HCN1: variants seen among roughly 807,000 people sequenced by gnomAD.
The protein encoded by HCN1 is potassium/sodium hyperpolarization-activated cyclic nucleotide-gated channel 1.
In HCN1, 13 loss-of-function variants were observed where a neutral mutation model predicts 78.9. That is an observed-to-expected ratio of 0.16 (90% confidence interval 0.11 to 0.26). HCN1 has a LOEUF of 0.26. HCN1 is among the 10% of genes least tolerant of loss of function. The probability of loss-of-function intolerance (pLI) is 1.00; values close to 1 mark genes in which losing one functional copy is unlikely to be tolerated. For synonymous variants in HCN1, 552 were observed against 455.5 expected (o/e 1.21, Z -2.70); for missense variants, 810 against 1,154.3 (o/e 0.70, Z 4.32).
At chr5:45,302,181 C>T (rs1291323104) in intron 6 of HCN1, among the ~76,000 whole-genome samples, 2 of 151,992 alleles carry the variant, frequency 1.3e-5, no homozygotes, top group Admixed American at 1.3e-4. Context: ...ATTGTAATCA[C>T]CATGTGTTAA....
chr5:45,347,919 G>C (rs1392248028), intron 5 of HCN1, among the ~76,000 whole-genome samples: 2 of 152,122 alleles, frequency 1.3e-5, no homozygotes, highest in Non-Finnish European at 2.9e-5. Context: ...GGGGAGAATG[G>C]AACCAAGTTG....
intron 4 of HCN1, among the ~76,000 whole-genome samples, chr5:45,394,856 A>G (rs577081340): frequency 2.7e-4 from 41 of 152,170 alleles, no homozygotes; most frequent in Non-Finnish European, 5.0e-4. Context: ...TCCTGATTAC[A>G]TTGTTCCAAA....
rs1747898551 is a variant in HCN1 at position 45,385,926 on chromosome 5, C to G, written c.1230+10566G>C. On this transcript the variant is annotated intron_variant, in intron 4 of 7. Coordinates refer to ENST00000303230, the MANE Select transcript of HCN1 (RefSeq NM_021072.4). Reference sequence around the variant, plus strand: ...TGGATTCTCCAGGACCAGCTTAGCTCTACAATCCTCCTGCCAGATACCACT... The same window carrying G: ...TGGATTCTCCAGGACCAGCTTAGCTGTACAATCCTCCTGCCAGATACCACT... 1.3e-5 allele frequency among the ~76,000 whole-genome samples: 2 copies of G among 152,162 alleles called. 1 individual carries two copies. Among genetic ancestry groups the G allele is most frequent in the South Asian group, 4.1e-4 (2 of 4,832 alleles).
chr5:45,694,829 T>C (rs1032919323), intron 1 of HCN1, among the ~76,000 whole-genome samples: 14 of 152,244 alleles, frequency 9.2e-5, no homozygotes, highest in African/African-American at 3.4e-4. Flanking sequence ...GTCTTAATTT[T>C]AATTCTCCAA....
chr5:45,262,859 T>C (rs372740079), intron 7 of HCN1, 49 bp from the exon 8 acceptor site: 3 of 1,602,546 alleles, frequency 1.9e-6, no homozygotes, highest in Non-Finnish European at 2.6e-6. Flanking sequence ...CAATGACTGA[T>C]GACAACGCCA....
At chr5:45,608,882 GTA>G (rs1317640141) in intron 2 of HCN1, among the ~76,000 whole-genome samples, 1 of 152,016 alleles carries the variant, frequency 6.6e-6, no homozygotes, top group African/African-American at 2.4e-5. Context: ...TTTCCAAACT[GTA>G]TAAATGTGTC....
intron 2 of HCN1, among the ~76,000 whole-genome samples, chr5:45,556,475 G>C (rs1016907252): frequency 2.0e-5 from 3 of 151,812 alleles, no homozygotes; most frequent in Non-Finnish European, 4.4e-5. Context: ...ATTTCACCAT[G>C]ACTATACATA....
chr5:45,657,724 C>T (rs1745802724), intron 1 of HCN1, among the ~76,000 whole-genome samples: 1 of 152,070 alleles, frequency 6.6e-6, no homozygotes, highest in Non-Finnish European at 1.5e-5. Context: ...CAAACCACTG[C>T]TCAATGAAAT....
chr5:45,404,940 A>G (rs956529191), intron 3 of HCN1, among the ~76,000 whole-genome samples: 1 of 152,088 alleles, frequency 6.6e-6, no homozygotes, highest in Non-Finnish European at 1.5e-5. Flanking sequence ...GCAAGCAAAT[A>G]CAAGTATAAA....
chr5:45,403,274 C>T (rs1739859571), intron 3 of HCN1, among the ~76,000 whole-genome samples: 1 of 152,110 alleles, frequency 6.6e-6, no homozygotes, highest in African/African-American at 2.4e-5. Context: ...GAATGACATC[C>T]TAACCCCTCC....
intron 3 of HCN1, among the ~76,000 whole-genome samples, chr5:45,430,821 C>CA (rs912895304): frequency 5.3e-5 from 8 of 151,168 alleles, no homozygotes; most frequent in South Asian, 2.1e-4. Context: ...GACTCTGCCT[C>CA]AAAAAAAAGA....
At chr5:45,406,691 A>T (rs1468948391) in intron 3 of HCN1, among the ~76,000 whole-genome samples, 1 of 152,192 alleles carries the variant, frequency 6.6e-6, no homozygotes. Flanking sequence ...TAGGATTTTC[A>T]GGCATTTTAA....
intron 1 of HCN1, among the ~76,000 whole-genome samples, chr5:45,649,014 C>T (rs1745626140): frequency 6.6e-6 from 1 of 152,020 alleles, no homozygotes; most frequent in Non-Finnish European, 1.5e-5. Context: ...CCATCCCCCT[C>T]TTTTAACAAC....
intron 3 of HCN1, among the ~76,000 whole-genome samples, chr5:45,418,168 TTATC>T (rs1224609004): frequency 1.3e-5 from 2 of 151,896 alleles, no homozygotes; most frequent in East Asian, 3.9e-4. Context: ...TTTTCGTTAT[TTATC>T]TTTTAATCTT....
chr5:45,482,989 T>G (rs953886713), intron 2 of HCN1, among the ~76,000 whole-genome samples: 2 of 152,244 alleles, frequency 1.3e-5, no homozygotes, highest in African/African-American at 2.4e-5. Flanking sequence ...TGTACCACAT[T>G]TTCCTTATTC....
chr5:45,415,368 G>T (rs1740099474), intron 3 of HCN1, among the ~76,000 whole-genome samples: 1 of 151,916 alleles, frequency 6.6e-6, no homozygotes, highest in South Asian at 2.1e-4. Flanking sequence ...AGCTTCAAGA[G>T]TAAGTTGAAC....
intron 4 of HCN1, among the ~76,000 whole-genome samples, chr5:45,360,985 A>G (rs1466392879): frequency 6.6e-6 from 1 of 152,140 alleles, no homozygotes; most frequent in Non-Finnish European, 1.5e-5. Context: ...TAAAATATGT[A>G]TCTACTTTGC....
intron 2 of HCN1, among the ~76,000 whole-genome samples, chr5:45,639,037 A>G (rs1745406601): frequency 6.6e-6 from 1 of 152,184 alleles, no homozygotes; most frequent in Non-Finnish European, 1.5e-5. Context: ...TTGTTTAGAG[A>G]CGGAACTTAA....
intron 2 of HCN1, among the ~76,000 whole-genome samples, chr5:45,581,155 C>T (rs940277463): frequency 6.6e-6 from 1 of 152,196 alleles, no homozygotes; most frequent in African/African-American, 2.4e-5. Flanking sequence ...GTCCCACCAA[C>T]AGTGTAAAAG....
Sources: gnomAD v4.1 joint callset for allele counts (sites outside exome capture counted in the v4.1 genomes callset) on GRCh38, gnomAD v4.1.1 for gene constraint, MANE v1.5 for transcripts, NCBI Gene and HGNC (gene_info 2026-07-23, HGNC 2026-07-21) for gene names.